Variants in WSCD2 observed in about 807,000 individuals in gnomAD.
The protein encoded by WSCD2 is WSC domain sialate O sulfotransferase 2, also known as sialate:O-sulfotransferase 2.
Under a neutral mutation model 55.7 loss-of-function variants are expected in WSCD2, and 28 were observed. The observed-to-expected ratio is 0.50, with a 90% confidence interval of 0.37 to 0.69. The LOEUF (loss-of-function observed/expected upper bound fraction) is 0.69. Ranked by LOEUF, WSCD2 falls within the 30% of genes least tolerant of loss-of-function variation. The pLI is 0.00. For missense variants in WSCD2, 616 were observed against 762.1 expected (o/e 0.81, Z 2.26); for synonymous variants, 301 against 301.9 (o/e 1.00, Z 0.03).
intron 4 of WSCD2, among the ~76,000 whole-genome samples, chr12:108,218,395 G>A (rs1046890212): frequency 1.3e-5 from 2 of 152,206 alleles, no homozygotes; most frequent in African/African-American, 2.4e-5. Flanking sequence ...TCAGTCCAGG[G>A]AAATGCCATG....
chr12:108,218,139 C>T (rs1464031510), intron 4 of WSCD2, among the ~76,000 whole-genome samples: 4 of 152,200 alleles, frequency 2.6e-5, no homozygotes, highest in Admixed American at 6.5e-5. Flanking sequence ...CTGAATGATC[C>T]ACCCAATATT....
At chr12:108,164,083 A>T (rs1422641006) in intron 1 of WSCD2, among the ~76,000 whole-genome samples, 1 of 137,128 alleles carries the variant, frequency 7.3e-6, no homozygotes, top group Non-Finnish European at 1.5e-5. Context: ...AGTGGTTGGC[A>T]TTACCACTAG....
At chr12:108,201,214 A>G (rs965423233) in intron 2 of WSCD2, among the ~76,000 whole-genome samples, 5 of 152,182 alleles carry the variant, frequency 3.3e-5, no homozygotes, top group Non-Finnish European at 4.4e-5. Flanking sequence ...AAAGGCTCAA[A>G]GGGAGACTCT....
At chr12:108,246,645 A>G (rs1355296158) in intron 8 of WSCD2, among the ~76,000 whole-genome samples, 1 of 152,198 alleles carries the variant, frequency 6.6e-6, no homozygotes, top group Non-Finnish European at 1.5e-5. Context: ...ACAGTCCCAA[A>G]TTCACCCTCC....
At chr12:108,206,425 C>T (rs1352049198) in intron 3 of WSCD2, 22 bp downstream of exon 3, 22 of 1,609,314 alleles carry the variant, frequency 1.4e-5, no homozygotes, top group Non-Finnish European at 1.8e-5. Flanking sequence ...GCATCCCAGA[C>T]TTGTCCATTT....
chr12:108,191,916 A>T (rs1883214516), intron 1 of WSCD2, among the ~76,000 whole-genome samples: 2 of 152,188 alleles, frequency 1.3e-5, no homozygotes, highest in African/African-American at 4.8e-5. Context: ...CCCATGCCTC[A>T]GTCTCATTCT....
intron 1 of WSCD2, among the ~76,000 whole-genome samples, chr12:108,187,477 G>A (rs1221189964): frequency 6.6e-6 from 1 of 152,240 alleles, no homozygotes; most frequent in Non-Finnish European, 1.5e-5. Flanking sequence ...AGGCCCCAGA[G>A]CCAGGCTTCC....
In WSCD2 at chr12:108,224,869, A is replaced by G. The variant is rs769259061; in HGVS notation, c.804+9A>G. 1 of 1,611,914 alleles carries G rather than the reference A, an allele frequency of 6.2e-7. No homozygotes were observed. The highest frequency in any genetic ancestry group is 8.5e-7 in the Non-Finnish European group (1 of 1,179,746). On this transcript the variant is annotated intron_variant, in intron 5 of 8. Coordinates refer to ENST00000547525, the MANE Select transcript of WSCD2 (RefSeq NM_014653.4). ...ACTTCTGCACTGAGAAGGTGAGCAC[A>G]AGGTGGGGCCCATGGAACTCAGGGG...
At chr12:108,243,716 C>T (rs1182559267) in intron 8 of WSCD2, among the ~76,000 whole-genome samples, 3 of 152,198 alleles carry the variant, frequency 2.0e-5, no homozygotes, top group Non-Finnish European at 4.4e-5. Flanking sequence ...TCAGAATCTG[C>T]ACTTTAACAA....
intron 1 of WSCD2, among the ~76,000 whole-genome samples, chr12:108,145,356 G>A (rs1877274928): frequency 6.6e-6 from 1 of 152,228 alleles, no homozygotes; most frequent in African/African-American, 2.4e-5. Flanking sequence ...ACAGCGTTGT[G>A]TGTTGATCTA....
chr12:108,221,649 G>T (rs1887532978), intron 4 of WSCD2, among the ~76,000 whole-genome samples: 1 of 152,232 alleles, frequency 6.6e-6, no homozygotes, highest in South Asian at 2.1e-4. Context: ...TTTAGGAGGT[G>T]AAGGGCTGTC....
rs1031982206 is a variant in WSCD2, at chr12:108,196,195, G to A, written c.363G>A (p.Arg121=). 1 of 1,613,660 alleles carries A rather than the reference G, an allele frequency of 6.2e-7. No homozygotes were observed. The highest frequency in any genetic ancestry group is 1.3e-5 in the African/African-American group (1 of 75,040). The part of the protein sequence containing the change: ...WSRALKGRVV[R]EKEEERAKYI... ...GAGCCCTCAAGGGGAGGGTTGTCCGGGAGAAGGAGGAAGAGCGAGGTAAGA... is the reference window on the plus strand; with the variant it reads ...GAGCCCTCAAGGGGAGGGTTGTCCGAGAGAAGGAGGAAGAGCGAGGTAAGA... Residue 121 remains arginine (R), a synonymous_variant, in exon 2 of 9, where the codon CGG becomes CGA. Coordinates refer to ENST00000547525, the MANE Select transcript of WSCD2 (RefSeq NM_014653.4).
At chr12:108,232,994 T>C in intron 7 of WSCD2, 99 bp downstream of exon 7, 1 of 1,483,192 alleles carries the variant, frequency 6.7e-7, no homozygotes. Context: ...GTATCTACTG[T>C]GTGCCACTCA....
In WSCD2 at chr12:108,196,193, C is replaced by A. The variant is rs199556088; in HGVS notation, c.361C>A (p.Arg121=). The A allele has an allele frequency of 6.8e-6, 11 of 1,613,492 alleles. No individual in the cohort carries two copies. In the East Asian group the frequency reaches 2.2e-4, roughly 33 times the overall value. The part of the protein sequence containing the change: ...WSRALKGRVV[R]EKEEERAKYI... Reference sequence around the variant, plus strand: ...CCGAGCCCTCAAGGGGAGGGTTGTCCGGGAGAAGGAGGAAGAGCGAGGTAA... The same window carrying A: ...CCGAGCCCTCAAGGGGAGGGTTGTCAGGGAGAAGGAGGAAGAGCGAGGTAA... The change falls in exon 2 of 9, where the codon CGG becomes AGG. Residue 121 remains arginine, a synonymous_variant. Transcript: ENST00000547525.
rs913143124 is a variant in WSCD2 at position 108,246,429 on chromosome 12, A to G, written c.1346-1562A>G. Among the ~76,000 whole-genome samples the G allele has an allele frequency of 3.3e-5, 5 of 152,248 alleles. No individual in the cohort carries two copies. The East Asian group carries it at 9.7e-4, about 29-fold the overall frequency. ...TGTGAGAAGCAGCAGGTCTCAGTTC[A>G]TGGTTTTGGAGCTCCTGCCCTCTGA... On this transcript the variant is annotated intron_variant, in intron 8 of 8. Transcript: ENST00000547525.
chr12:108,186,068 A>G (rs993975764), intron 1 of WSCD2, among the ~76,000 whole-genome samples: 3 of 152,000 alleles, frequency 2.0e-5, no homozygotes, highest in African/African-American at 7.3e-5. Flanking sequence ...TCACCCCTTC[A>G]TCTCTCTCCA....
At chr12:108,215,128 C>T (rs1320868403) in intron 4 of WSCD2, among the ~76,000 whole-genome samples, 1 of 152,186 alleles carries the variant, frequency 6.6e-6, no homozygotes, top group Non-Finnish European at 1.5e-5. Flanking sequence ...ACCCCATGAG[C>T]TCTTCTCTGT....
intron 1 of WSCD2, among the ~76,000 whole-genome samples, chr12:108,168,666 T>C (rs1879914489): frequency 6.6e-6 from 1 of 152,232 alleles, no homozygotes; most frequent in Admixed American, 6.5e-5. Context: ...GGATAATTTA[T>C]GTAAGCATTT....
At chr12:108,242,234 A>T (rs1291603397) in intron 8 of WSCD2, among the ~76,000 whole-genome samples, 1 of 152,200 alleles carries the variant, frequency 6.6e-6, no homozygotes, top group African/African-American at 2.4e-5. Context: ...CTCAGGTCCC[A>T]ATTCACTCAA....
Sources: allele counts gnomAD v4.1 joint callset (sites outside exome capture counted in the v4.1 genomes callset), GRCh38; gene constraint gnomAD v4.1.1; transcripts MANE v1.5; gene names NCBI Gene and HGNC (gene_info 2026-07-23, HGNC 2026-07-21).